The following A3GALT2 variants were observed in gnomAD, a reference collection of about 807,000 sequenced individuals.
A3GALT2 encodes the protein alpha 1,3-galactosyltransferase 2.
A3GALT2 carries 14 observed loss-of-function variants against 16.6 expected under a neutral mutation model. That is an observed-to-expected ratio of 0.84 (90% confidence interval 0.56 to 1.32). The LOEUF (loss-of-function observed/expected upper bound fraction) is 1.32, where lower values mean the gene tolerates loss of function less well. Ranked by LOEUF, A3GALT2 falls within the 40% of genes most tolerant of loss-of-function variation. The pLI is 0.00. For synonymous variants in A3GALT2, 253 were observed against 218.0 expected, an observed-to-expected ratio of 1.16 and a Z score of -1.42; for missense variants, 600 against 490.9, an observed-to-expected ratio of 1.22 and a Z score of -2.10.
intron 4 of A3GALT2, among the ~76,000 whole-genome samples, chr1:33,308,566 G>C (rs1461915943): frequency 6.6e-6 from 1 of 151,606 alleles, no homozygotes; most frequent in Non-Finnish European, 1.5e-5. Context: ...CACCACGCCC[G>C]GCCAATTTTT....
rs1452861826 is a variant in A3GALT2, at chr1:33,312,945, T to G, written c.24-55A>C. Reference sequence around the variant, plus strand: ...CATTTATATGTATAGACACAAATATTTATATGCACACATACATGAAAAGTC... The same window carrying G: ...CATTTATATGTATAGACACAAATATGTATATGCACACATACATGAAAAGTC... On this transcript the variant is annotated intron_variant, in intron 1 of 4. Transcript: ENST00000442999. 9 of 1,303,646 alleles carry G rather than the reference T, an allele frequency of 6.9e-6. No homozygotes were observed. In the Admixed American group the frequency reaches 1.8e-4, roughly 26 times the overall value. 80.8% of individuals were successfully genotyped at this position (1,303,646 alleles called of 1,614,324 possible).
At position 33,311,938 on chromosome 1, in the gene A3GALT2, G is replaced by A. The variant is rs576700798; in HGVS notation, c.335+114C>T. On this transcript the variant is annotated intron_variant, in intron 4 of 4. Transcript: ENST00000442999. Reference sequence around the variant, plus strand: ...GCAAGAAGTGTTGTCTTTGCTTCTCGCTTCACTTTGGGATCCCATGGCACA... The same window carrying A: ...GCAAGAAGTGTTGTCTTTGCTTCTCACTTCACTTTGGGATCCCATGGCACA... 126 of 1,440,674 alleles carry A rather than the reference G, an allele frequency of 8.7e-5. No individual in the cohort carries two copies. In the African/African-American group the frequency reaches 1.5e-3, roughly 17 times the overall value. The allele number at this position is 1,440,674 out of a possible 1,614,324, so 89.2% of individuals were successfully genotyped here.
In A3GALT2 at chr1:33,321,087, C is replaced by T. The variant is rs780783895; in HGVS notation, c.12G>A (p.Lys4=). The part of the protein sequence containing the change: MAL[K]EGLRAWKRIF... The stretch of plus-strand genomic sequence containing the variant: ...TTGTCCCCCCTCACCTGAGTCCCTC[C>T]TTGAGAGCCATATGGGGAAGCAGGT... Residue 4 remains lysine, a synonymous_variant, in exon 1 of 5, where the codon AAG becomes AAA. Coordinates refer to ENST00000442999, the MANE Select transcript of A3GALT2 (RefSeq NM_001080438.1). The T allele has an allele frequency of 6.2e-6, 10 of 1,613,032 alleles. No homozygotes were observed. Among genetic ancestry groups the T allele is most frequent in the Admixed American group, 1.7e-5 (1 of 59,272 alleles).
At position 33,307,447 on chromosome 1, in the gene A3GALT2, C is replaced by G. The variant is rs769868969; in HGVS notation, c.342G>C (p.Leu114=). Residue 114 remains leucine, a synonymous_variant, in exon 5 of 5, where the codon CTG becomes CTC. Coordinates refer to ENST00000442999, the MANE Select transcript of A3GALT2 (RefSeq NM_001080438.1). ...GLTIFAVGRY[L]EKYLERFLET... is the part of the protein sequence containing the mutation. ...CCAGGAAGCGCTCCAGGTACTTCTC[C>G]AGGTATCTAAGGGCGCGGCGCCACC... 7 of 1,508,046 alleles carry G rather than the reference C, an allele frequency of 4.6e-6. No individual in the cohort carries two copies. In the South Asian group the frequency reaches 8.6e-5, roughly 19 times the overall value. 93.4% of individuals were successfully genotyped at this position (1,508,046 alleles called of 1,614,324 possible).
intron 4 of A3GALT2, among the ~76,000 whole-genome samples, chr1:33,310,878 A>G (rs1646229957): frequency 6.6e-6 from 1 of 152,196 alleles, no homozygotes; most frequent in African/African-American, 2.4e-5. Context: ...AGGCCTTGGG[A>G]GAGACGAAGG....
At chr1:33,307,491 C>G (rs771930531) in intron 4 of A3GALT2, 38 bp from the exon 5 acceptor site, 4 of 1,425,490 alleles carry the variant, frequency 2.8e-6, no homozygotes, top group Non-Finnish European at 3.7e-6. Context: ...GAGAGTGAAG[C>G]GAGGCGGGCC....
Position 33,320,081 on chromosome 1 carries a change from G to A in A3GALT2, c.23+995C>T, listed in dbSNP as rs1352305603. Among the ~76,000 whole-genome samples the A allele has an allele frequency of 6.6e-6, 1 of 151,842 alleles. No homozygotes were observed. Among genetic ancestry groups the A allele is most frequent in the Non-Finnish European group, 1.5e-5 (1 of 68,022 alleles). On this transcript the variant is annotated intron_variant, in intron 1 of 4. Coordinates refer to ENST00000442999, the MANE Select transcript of A3GALT2 (RefSeq NM_001080438.1). This position sits in a 1 kb window ranked among gnomAD's most constrained non-coding sequence, Gnocchi z 4.3. ...CTGAGGCTCATCTCACAAGGTTCTC[G>A]GCCCTGTTATTTCTCCCCGTGGGCT...
chr1:33,307,246 G>A lies in A3GALT2; in HGVS notation c.543C>T (p.His181=), dbSNP rs745429468. Reference sequence around the variant, plus strand: ...GGCCCGGCAGCCCGCCCAGCGCCGCGTGCAACGTGCGCATGCGCGCCATCG... The same window carrying A: ...GGCCCGGCAGCCCGCCCAGCGCCGCATGCAACGTGCGCATGCGCGCCATCG... ...DVSMARMRTL[H]AALGGLPGRE... is the part of the protein sequence containing the mutation. The change falls in exon 5 of 5, where the codon CAC becomes CAT. Residue 181 remains histidine, a synonymous_variant. Coordinates refer to ENST00000442999, the MANE Select transcript of A3GALT2 (RefSeq NM_001080438.1). The A allele has an allele frequency of 9.5e-6, 14 of 1,479,398 alleles. No homozygotes were observed. In the South Asian group the frequency reaches 1.5e-4, roughly 16 times the overall value. The allele number at this position is 1,479,398 out of a possible 1,614,324, so 91.6% of individuals were successfully genotyped here. A position where few individuals can be genotyped will look rare whatever the true frequency, so the allele number is the denominator to read the frequency against.
intron 4 of A3GALT2, 90 bp downstream of exon 4, chr1:33,311,962 C>G: frequency 6.5e-7 from 1 of 1,542,066 alleles, no homozygotes; most frequent in Non-Finnish European, 8.8e-7. Context: ...TCCCATGGCA[C>G]AGGGGAGCAG....
At chr1:33,311,142 G>A (rs973590159) in intron 4 of A3GALT2, among the ~76,000 whole-genome samples, 14 of 152,098 alleles carry the variant, frequency 9.2e-5, no homozygotes, top group East Asian at 3.9e-4. Flanking sequence ...TTAGTTGCCC[G>A]AAACTAGGTT....
intron 4 of A3GALT2, among the ~76,000 whole-genome samples, chr1:33,310,594 G>A (rs1646228933): frequency 6.6e-6 from 1 of 152,224 alleles, no homozygotes; most frequent in Admixed American, 6.5e-5. Context: ...AAGAGCGTTA[G>A]AAACTTGTAT....
rs370444324 is a variant in A3GALT2, at chr1:33,312,898, C to T, written c.24-8G>A. Reference sequence around the variant, plus strand: ...AAGATTCTCTTCCAGGCCCTGGGGGCGGGAGGGGGGCATCAGTAACTCATT... The same window carrying T: ...AAGATTCTCTTCCAGGCCCTGGGGGTGGGAGGGGGGCATCAGTAACTCATT... On this transcript the variant is annotated splice_polypyrimidine_tract_variant and splice_region_variant and intron_variant, in intron 1 of 4. Coordinates refer to ENST00000442999, the MANE Select transcript of A3GALT2 (RefSeq NM_001080438.1). 86 of 1,598,888 alleles carry T rather than the reference C, an allele frequency of 5.4e-5. No homozygotes were observed. In the African/African-American group the frequency reaches 5.5e-4, roughly 10 times the overall value.
intron 1 of A3GALT2, 145 bp from the exon 2 acceptor site, chr1:33,313,035 A>G: frequency 1.4e-6 from 1 of 696,196 alleles, no homozygotes; most frequent in Non-Finnish European, 2.5e-6. Flanking sequence ...TTTCTTGTGC[A>G]GGGGCATGAC....
chr1:33,313,020 A>T (rs1316164756), intron 1 of A3GALT2, 130 bp from the exon 2 acceptor site: 7 of 753,818 alleles, frequency 9.3e-6, no homozygotes. Context: ...AGCCAGTGTT[A>T]CCAGTTTCTT....
At chr1:33,308,761 T>TTTTTG (rs1646217096) in intron 4 of A3GALT2, among the ~76,000 whole-genome samples, 1 of 111,174 alleles carries the variant, frequency 9.0e-6, no homozygotes, top group Admixed American at 8.2e-5. Flanking sequence ...TTTTTTTTTT[T>TTTTTG]TTTTTTTTTT....
intron 1 of A3GALT2, among the ~76,000 whole-genome samples, chr1:33,316,884 G>C (rs964962933): frequency 1.3e-5 from 2 of 152,142 alleles, no homozygotes; most frequent in Admixed American, 6.5e-5. Context: ...AGGTGGGAAT[G>C]GGAGGGAGAC....
At chr1:33,310,057 C>T (rs1391003709) in intron 4 of A3GALT2, among the ~76,000 whole-genome samples, 3 of 152,260 alleles carry the variant, frequency 2.0e-5, no homozygotes, top group African/African-American at 7.2e-5. Flanking sequence ...ATCCCGGCAC[C>T]TCGGGAGGCC....
At position 33,321,009 on chromosome 1, in the gene A3GALT2, G is replaced by T. The variant is rs559842039; in HGVS notation, c.23+67C>A. ...CCCCTTGGTACTGTTTTAGCCATCA[G>T]ACTGGATCCCTCTTAGCTCAGCTGT... On this transcript the variant is annotated intron_variant, in intron 1 of 4. Coordinates refer to ENST00000442999, the MANE Select transcript of A3GALT2 (RefSeq NM_001080438.1). 2.0e-5 allele frequency: 32 copies of T among 1,598,202 alleles called. No individual in the cohort carries two copies. In the East Asian group the frequency reaches 6.9e-4, roughly 35 times the overall value.
rs1220365016 is a variant in A3GALT2, at chr1:33,320,300, G to A, written c.23+776C>T. 6.6e-6 allele frequency among the ~76,000 whole-genome samples: 1 copy of A among 152,026 alleles called. No homozygotes were observed. The highest frequency in any genetic ancestry group is 1.5e-5 in the Non-Finnish European group (1 of 68,024). On this transcript the variant is annotated intron_variant, in intron 1 of 4. Coordinates refer to ENST00000442999, the MANE Select transcript of A3GALT2 (RefSeq NM_001080438.1). This position sits in a 1 kb window ranked among gnomAD's most constrained non-coding sequence, Gnocchi z 4.3. ...CTACAGGAGCAGGAAAAGGCTGGAG[G>A]GGCTTTCTCCCCCTCTGTGGCTGTC...
Sources: allele counts gnomAD v4.1 joint callset (sites outside exome capture counted in the v4.1 genomes callset), GRCh38; gene constraint gnomAD v4.1.1; non-coding constraint Gnocchi (gnomAD v3.1); transcripts MANE v1.5; gene names NCBI Gene and HGNC (gene_info 2026-07-23, HGNC 2026-07-21).